The following DHX34 variants were observed in gnomAD, a reference collection of about 807,000 sequenced individuals.
DHX34 encodes DExH-box helicase 34, also known as probable ATP-dependent RNA helicase DHX34.
Under a neutral mutation model 111.1 loss-of-function variants are expected in DHX34, and 96 were observed. The observed-to-expected ratio is 0.86, with a 90% confidence interval of 0.73 to 1.02. The LOEUF is 1.02. DHX34 is among the 50% of genes least tolerant of loss of function. DHX34 has a pLI of 0.00. For missense variants in DHX34, 1,560 were observed against 1,579.9 expected (o/e 0.99, Z 0.21); for synonymous variants, 688 against 670.4 (o/e 1.03, Z -0.41).
chr19:47,359,552 C>A (rs1170197116), intron 4 of DHX34, among the ~76,000 whole-genome samples: 1 of 152,058 alleles, frequency 6.6e-6, no homozygotes, highest in East Asian at 1.9e-4. Flanking sequence ...GAGGCCAAGG[C>A]AGGCGGATCA....
chr19:47,360,189 C>T (rs1969586742), intron 5 of DHX34, 119 bp downstream of exon 5: 1 of 884,276 alleles, frequency 1.1e-6, no homozygotes, highest in Non-Finnish European at 1.8e-6. Flanking sequence ...GTTGACTTTC[C>T]CATATCCAAA....
rs367583984 is a variant in DHX34, at chr19:47,366,217, A to T, written c.1594-764A>T. Among the ~76,000 whole-genome samples the T allele has an allele frequency of 2.0e-4, 30 of 152,320 alleles. No homozygotes were observed. In the South Asian group the frequency reaches 5.2e-3, roughly 26 times the overall value. ...AGATGTGCTAGGCAGACAGATACAG[A>T]GACAGCAGCCCTCCTTGCCTGCCTC... On this transcript the variant is annotated intron_variant, in intron 6 of 16. Coordinates refer to ENST00000328771, the MANE Select transcript of DHX34 (RefSeq NM_014681.6).
Position 47,381,567 on chromosome 19 carries a change from GTCTCTGTTTCTGTC to G in DHX34, c.3298+251_3298+264del, listed in dbSNP as rs953615244. On this transcript the variant is annotated intron_variant, in intron 16 of 16. Transcript: ENST00000328771. The stretch of plus-strand genomic sequence containing the variant: ...GTGGTGTCTCTGTGTTGCTGTCTTT[GTCTCTGTTTCTGTC>G]TCTCTGTGGCTATGTCTCTTGTTAT... 8.2e-6 allele frequency: 5 copies of G among 610,334 alleles called. No homozygotes were observed. In the Admixed American group the frequency reaches 1.2e-4, roughly 15 times the overall value. The allele number at this position is 610,334 out of a possible 1,614,324, so 37.8% of individuals were successfully genotyped here.
chr19:47,376,004 G>A lies in DHX34; in HGVS notation c.2388G>A (p.Gln796=), dbSNP rs1286910206. The change falls in exon 11 of 17, where the codon CAG becomes CAA. Residue 796 remains glutamine, a synonymous_variant. Transcript: ENST00000328771. Reference sequence around the variant, plus strand: ...CAGCCCAGGACCTGAGCCGCGAGCAGCTGGCTCTGCTGAAGCTGGTGCTGG... The same window carrying A: ...CAGCCCAGGACCTGAGCCGCGAGCAACTGGCTCTGCTGAAGCTGGTGCTGG... ...ASSAQDLSRE[Q]LALLKLVLGR... The A allele has an allele frequency of 8.7e-6, 14 of 1,605,236 alleles. No individual in the cohort carries two copies. Among genetic ancestry groups the A allele is most frequent in the Non-Finnish European group, 1.1e-5 (13 of 1,177,416 alleles).
intron 14 of DHX34, among the ~76,000 whole-genome samples, chr19:47,380,402 G>C (rs1334553006): frequency 6.6e-6 from 1 of 152,016 alleles, no homozygotes; most frequent in Non-Finnish European, 1.5e-5. Flanking sequence ...CTTCATGTGG[G>C]TGGGGTGGGG....
chr19:47,376,396 G>C (rs1568406011), intron 11 of DHX34, 47 bp from the exon 12 acceptor site: 1 of 1,582,396 alleles, frequency 6.3e-7, no homozygotes, highest in Admixed American at 1.8e-5. Context: ...CCTGGGCAGA[G>C]GAGAGAGCAG....
At chr19:47,359,905 T>C in intron 4 of DHX34, 63 bp from the exon 5 acceptor site, 1 of 1,610,910 alleles carries the variant, frequency 6.2e-7, no homozygotes, top group Non-Finnish European at 8.5e-7. Flanking sequence ...GGGCAAGAAA[T>C]TGGACACATA....
Position 47,372,826 on chromosome 19 carries a change from C to T in DHX34, c.1865C>T (p.Ala622Val), listed in dbSNP as rs762855949. The change falls in exon 8 of 17, where the codon GCC becomes GTC. Residue 622 changes from alanine to valine, a missense_variant. By Grantham distance (64) the Ala-to-Val change is moderately conservative. Transcript: ENST00000328771. ...LSVQSPFTRS[A>V]QSSPECAAAR... Reference sequence around the variant, plus strand: ...GTCCAGTCGCCCTTCACCCGCAGCGCCCAGAGCAGCCCAGAGTGCGCGGCA... The same window carrying T: ...GTCCAGTCGCCCTTCACCCGCAGCGTCCAGAGCAGCCCAGAGTGCGCGGCA... 6.2e-7 allele frequency: 1 copy of T among 1,612,898 alleles called. No individual in the cohort carries two copies. The highest frequency in any genetic ancestry group is 1.3e-5 in the African/African-American group (1 of 75,066).
chr19:47,365,557 AG>A (rs1355545053), intron 6 of DHX34, among the ~76,000 whole-genome samples: 2 of 152,084 alleles, frequency 1.3e-5, no homozygotes, highest in African/African-American at 4.8e-5. Context: ...CGGCCTATAA[AG>A]GTTTTTAAAT....
In DHX34 at chr19:47,380,913, T is replaced by C. The variant is rs1414766158; in HGVS notation, c.3080T>C (p.Phe1027Ser). ...IPATPHLPGL[F>S]GSSTLSPHPT... ...GCCACCCCCCATCTTCCTGGCCTCT[T>C]TGGCAGCTCCACCCTGTCCCCCCAC... The change falls in exon 15 of 17, where the codon TTT becomes TCT. Residue 1027 changes from phenylalanine (F) to serine (S), a missense_variant. Transcript: ENST00000328771. The C allele has an allele frequency of 6.3e-7, 1 of 1,589,160 alleles. No individual in the cohort carries two copies. Among genetic ancestry groups the C allele is most frequent in the Non-Finnish European group, 8.6e-7 (1 of 1,165,956 alleles).
At chr19:47,377,075 T>TG in intron 12 of DHX34, 25 bp from the exon 13 acceptor site, 1 of 1,613,442 alleles carries the variant, frequency 6.2e-7, no homozygotes, top group Non-Finnish European at 8.5e-7. Context: ...AGGGTGGGCC[T>TG]GAGCGGTCCT....
chr19:47,358,074 TG>T lies in DHX34; in HGVS notation c.1228del (p.Val410TyrfsTer46). 6.2e-7 allele frequency: 1 copy of T among 1,612,800 alleles called. No individual in the cohort carries two copies. The highest frequency in any genetic ancestry group is 1.1e-5 in the South Asian group (1 of 91,062). On this transcript the variant is annotated frameshift_variant, in exon 4 of 17. Transcript: ENST00000328771. LOFTEE classifies it high-confidence loss of function. ...TATGCCAGCCACACCCAGCGCTGGG[TG>T]GTACTGCCACTGCACAGCGCCCTGT... ...QTYASHTQRW[V>X]VLPLHSALSV...
chr19:47,364,866 G>A (rs575792140), intron 6 of DHX34, among the ~76,000 whole-genome samples: 1 of 152,140 alleles, frequency 6.6e-6, no homozygotes. Context: ...GGCTCCATCC[G>A]AGGCCACCAG....
At chr19:47,360,672 G>A in intron 5 of DHX34, among the ~76,000 whole-genome samples, 1 of 145,374 alleles carries the variant, frequency 6.9e-6, no homozygotes, top group East Asian at 2.0e-4. Flanking sequence ...CATTCTGTTT[G>A]TTGTTGTTGT....
intron 13 of DHX34, 166 bp from the exon 14 acceptor site, chr19:47,379,544 C>G: frequency 1.0e-6 from 1 of 981,680 alleles, no homozygotes; most frequent in South Asian, 4.7e-5. Flanking sequence ...ATGCCGTATC[C>G]CCAGCACCCG....
In DHX34 at chr19:47,355,100, CAGTG is replaced by C; in HGVS notation, c.768_771del (p.Val257GlyfsTer19). ...GCGGCCACCAAGATTGTATTCCTGA[CAGTG>C]GGGCTGCTCCTGCGACAAATCCAGC... On this transcript the variant is annotated frameshift_variant, in exon 3 of 17. Coordinates refer to ENST00000328771, the MANE Select transcript of DHX34 (RefSeq NM_014681.6). LOFTEE classifies it high-confidence loss of function. 1 of 1,614,052 alleles carries C rather than the reference CAGTG, an allele frequency of 6.2e-7. No individual in the cohort carries two copies. Among genetic ancestry groups the C allele is most frequent in the Non-Finnish European group, 8.5e-7 (1 of 1,180,016 alleles).
At position 47,380,957 on chromosome 19, in the gene DHX34, G is replaced by T. The variant is rs148368794; in HGVS notation, c.3124G>T (p.Ala1042Ser). 1.3e-6 allele frequency: 2 copies of T among 1,598,076 alleles called. No homozygotes were observed. The highest frequency in any genetic ancestry group is 3.5e-5 in the Admixed American group (2 of 56,714). Residue 1042 changes from alanine (A) to serine (S), a missense_variant, in exon 15 of 17, where the codon GCA becomes TCA. Coordinates refer to ENST00000328771, the MANE Select transcript of DHX34 (RefSeq NM_014681.6). ...LSPHPTKGGY[A>S]VTDFLTYNCL... ...CCCCCACCCCACAAAGGGGGGCTAC[G>T]CAGTCACTGACTTCCTCACCTACAA... is the stretch of plus-strand genomic sequence containing the variant.
In DHX34 at chr19:47,381,272, G is replaced by A. The variant is rs2122390026; in HGVS notation, c.3246G>A (p.Glu1082=). Residue 1082 remains glutamate, a synonymous_variant, in exon 16 of 17, where the codon GAG becomes GAA. Transcript: ENST00000328771. ...TGCATGCGCCCCTCACGCCCCTGGA[G>A]CGCATCGCCCATGAGAACACCTGCC... The part of the protein sequence containing the change: ...CGLHAPLTPL[E]RIAHENTCPQ... 1.2e-6 allele frequency: 2 copies of A among 1,614,006 alleles called. No homozygotes were observed. Among genetic ancestry groups the A allele is most frequent in the Non-Finnish European group, 1.7e-6 (2 of 1,179,946 alleles).
chr19:47,350,572 C>T (rs1051085892), intron 1 of DHX34, among the ~76,000 whole-genome samples: 32 of 152,114 alleles, frequency 2.1e-4, no homozygotes, highest in African/African-American at 7.7e-4. Flanking sequence ...CAGGCAGGTG[C>T]CACCACCCTG....
Sources: allele counts gnomAD v4.1 joint callset (sites outside exome capture counted in the v4.1 genomes callset), GRCh38; gene constraint gnomAD v4.1.1; transcripts MANE v1.5; gene names NCBI Gene and HGNC (gene_info 2026-07-23, HGNC 2026-07-21).